RABGAP1L: variants seen among roughly 807,000 people sequenced by gnomAD.
RABGAP1L encodes the protein RAB GTPase activating protein 1 like.
A neutral mutation model predicts 137.7 loss-of-function variants in RABGAP1L; 63 were observed. That is an observed-to-expected ratio of 0.46 (90% CI 0.37 to 0.56). The LOEUF (loss-of-function observed/expected upper bound fraction) is 0.56, where lower values mean the gene tolerates loss of function less well. Among genes scored for constraint, RABGAP1L ranks in the 20% least tolerant of loss-of-function variants. RABGAP1L has a pLI of 0.00. For synonymous variants in RABGAP1L, 431 were observed against 433.7 expected, an observed-to-expected ratio of 0.99 and a Z score of 0.08; for missense variants, 1,095 against 1,244.0, an observed-to-expected ratio of 0.88 and a Z score of 1.80.
At chr1:174,558,801 C>G (rs998349363) in intron 13 of RABGAP1L, among the ~76,000 whole-genome samples, 2 of 152,128 alleles carry the variant, frequency 1.3e-5, no homozygotes, top group African/African-American at 4.8e-5. Flanking sequence ...AAAGACATGA[C>G]AAATCTATAG....
chr1:174,317,541 T>G (rs1241874419), intron 11 of RABGAP1L, among the ~76,000 whole-genome samples: 2 of 152,122 alleles, frequency 1.3e-5, no homozygotes, highest in Non-Finnish European at 2.9e-5. Context: ...TCCCTACTCT[T>G]CCTCTCCTCT....
rs1669856318 is a variant in RABGAP1L at position 174,222,741 on chromosome 1, A to AGG, written c.331+1577_331+1578insGG. Among the ~76,000 whole-genome samples, 3 of 152,342 alleles carry AGG rather than the reference A, an allele frequency of 2.0e-5. No homozygotes were observed. In the South Asian group the frequency reaches 6.2e-4, roughly 32 times the overall value. On this transcript the variant is annotated intron_variant, in intron 3 of 25. Coordinates refer to ENST00000681986, the MANE Select transcript of RABGAP1L (RefSeq NM_001366446.1). Reference sequence around the variant, plus strand: ...TTGTACTAAAGAATCCAGCCAATGCAAGATGACAGGAAAAAGAAATGAAGT... The same window carrying AGG: ...TTGTACTAAAGAATCCAGCCAATGCAGGAGATGACAGGAAAAAGAAATGAAGT...
chr1:174,677,391 T>A (rs1677720015), intron 14 of RABGAP1L, among the ~76,000 whole-genome samples: 1 of 152,224 alleles, frequency 6.6e-6, no homozygotes, highest in Non-Finnish European at 1.5e-5. Context: ...GGCCTAACAT[T>A]TGAGTGTATG....
intron 4 of RABGAP1L, among the ~76,000 whole-genome samples, chr1:174,238,267 A>G (rs1347448759): frequency 2.6e-5 from 4 of 152,248 alleles, no homozygotes; most frequent in Middle Eastern, 3.4e-3. Flanking sequence ...TTCTTCTCTC[A>G]GCTCGTCAGT....
intron 11 of RABGAP1L, among the ~76,000 whole-genome samples, chr1:174,343,524 G>A (rs1198871095): frequency 6.6e-6 from 1 of 152,108 alleles, no homozygotes; most frequent in Non-Finnish European, 1.5e-5. Context: ...GATTACAAGT[G>A]AGGCTTAGCA....
At chr1:174,649,242 T>A (rs1258648730) in intron 14 of RABGAP1L, among the ~76,000 whole-genome samples, 1 of 152,156 alleles carries the variant, frequency 6.6e-6, no homozygotes, top group African/African-American at 2.4e-5. Flanking sequence ...ATCCTGTCGT[T>A]ATGATGCTAG....
intron 19 of RABGAP1L, among the ~76,000 whole-genome samples, chr1:174,951,170 A>T (rs1419047420): frequency 6.6e-6 from 1 of 152,140 alleles, no homozygotes; most frequent in Non-Finnish European, 1.5e-5. Flanking sequence ...AATATCTGTT[A>T]TTGCGCTTAT....
intron 17 of RABGAP1L, among the ~76,000 whole-genome samples, chr1:174,707,249 T>C (rs1322476357): frequency 6.6e-6 from 1 of 152,106 alleles, no homozygotes; most frequent in Non-Finnish European, 1.5e-5. Flanking sequence ...TGTTTTGTTT[T>C]GTTTTTAGGT....
intron 13 of RABGAP1L, among the ~76,000 whole-genome samples, chr1:174,543,120 C>G (rs923501143): frequency 6.6e-6 from 1 of 152,124 alleles, no homozygotes; most frequent in African/African-American, 2.4e-5. Flanking sequence ...CTGGTTGGTG[C>G]AGAGCTGAGT....
chr1:174,848,466 G>T (rs1343661651), intron 19 of RABGAP1L, among the ~76,000 whole-genome samples: 1 of 148,106 alleles, frequency 6.8e-6, no homozygotes, highest in Non-Finnish European at 1.5e-5. Context: ...CTCAGCTGCA[G>T]GTCTGTTGGA....
At chr1:174,601,166 G>A (rs1392317061) in intron 13 of RABGAP1L, among the ~76,000 whole-genome samples, 1 of 152,206 alleles carries the variant, frequency 6.6e-6, no homozygotes, top group African/African-American at 2.4e-5. Context: ...TGGAGTGGCT[G>A]GGACACAGGG....
intron 19 of RABGAP1L, chr1:174,875,849 T>C (rs938375219): frequency 5.5e-6 from 2 of 361,384 alleles, no homozygotes; most frequent in Admixed American, 6.5e-5. Flanking sequence ...AAAGCAGCAC[T>C]GTAGAACAAA....
chr1:174,728,704 C>G (rs1682208819), intron 17 of RABGAP1L, among the ~76,000 whole-genome samples: 1 of 148,682 alleles, frequency 6.7e-6, no homozygotes, highest in African/African-American at 2.5e-5. Flanking sequence ...TGCAGTGGTA[C>G]GATCTCGGCT....
At chr1:174,916,620 T>C (rs574229479) in intron 19 of RABGAP1L, among the ~76,000 whole-genome samples, 24 of 152,250 alleles carry the variant, frequency 1.6e-4, no homozygotes, top group Admixed American at 5.2e-4. Flanking sequence ...TGTCTTTTAG[T>C]GTCAGTTTCA....
chr1:174,194,801 G>A (rs1667453019), intron 1 of RABGAP1L, among the ~76,000 whole-genome samples: 1 of 152,240 alleles, frequency 6.6e-6, no homozygotes, highest in Non-Finnish European at 1.5e-5. Flanking sequence ...GAGAGAATGG[G>A]TAGTGACTGC....
chr1:174,531,705 C>T (rs537496642), intron 13 of RABGAP1L, among the ~76,000 whole-genome samples: 1 of 133,366 alleles, frequency 7.5e-6, no homozygotes, highest in Non-Finnish European at 1.5e-5. Context: ...TGATTAGCCA[C>T]TGCACTACAG....
intron 13 of RABGAP1L, among the ~76,000 whole-genome samples, chr1:174,614,041 C>G (rs904914607): frequency 9.2e-5 from 14 of 152,280 alleles, no homozygotes; most frequent in Admixed American, 3.3e-4. Context: ...TTAATTGGAG[C>G]ATTTATTCCA....
intron 13 of RABGAP1L, among the ~76,000 whole-genome samples, chr1:174,538,670 T>A (rs1348336109): frequency 2.0e-5 from 3 of 152,196 alleles, no homozygotes; most frequent in African/African-American, 7.2e-5. Context: ...TATGTTATCT[T>A]TCAAAGAACT....
chr1:174,316,812 AC>A (rs1422559667), intron 11 of RABGAP1L, among the ~76,000 whole-genome samples: 1 of 151,972 alleles, frequency 6.6e-6, no homozygotes, highest in African/African-American at 2.4e-5. Context: ...TTAGAATTCT[AC>A]CTGTTGTTCT....
Sources: allele counts gnomAD v4.1 joint callset (sites outside exome capture counted in the v4.1 genomes callset), GRCh38; gene constraint gnomAD v4.1.1; transcripts MANE v1.5; gene names NCBI Gene and HGNC (gene_info 2026-07-23, HGNC 2026-07-21).